Variants in POU6F2 observed in about 807,000 individuals in gnomAD.
The protein encoded by POU6F2 is POU domain, class 6, transcription factor 2.
In POU6F2, 31 loss-of-function variants were observed where a neutral mutation model predicts 71.3. The ratio of observed to expected loss-of-function variants is 0.43; its 90% confidence interval spans 0.33 to 0.59. The LOEUF (loss-of-function observed/expected upper bound fraction) is 0.59. Among genes scored for constraint, POU6F2 ranks in the 20% least tolerant of loss-of-function variants. The pLI is 0.04. For missense variants in POU6F2, 783 were observed against 856.8 expected (o/e 0.91, Z 1.07); for synonymous variants, 347 against 355.7 (o/e 0.98, Z 0.27).
intron 4 of POU6F2, among the ~76,000 whole-genome samples, chr7:39,237,575 G>A (rs902529229): frequency 6.6e-6 from 1 of 152,136 alleles, no homozygotes; most frequent in African/African-American, 2.4e-5. Context: ...AGACAGATAA[G>A]AGCTATGGAC....
intron 4 of POU6F2, among the ~76,000 whole-genome samples, chr7:39,288,792 T>C (rs1412536169): frequency 6.6e-6 from 1 of 152,138 alleles, no homozygotes; most frequent in Non-Finnish European, 1.5e-5. Flanking sequence ...CCGAAACTGA[T>C]AGTGACATAC....
At chr7:39,398,186 A>G (rs550729878) in intron 5 of POU6F2, among the ~76,000 whole-genome samples, 39 of 152,254 alleles carry the variant, frequency 2.6e-4, no homozygotes, top group African/African-American at 8.4e-4. Flanking sequence ...TTGAGGGCCT[A>G]CTGGATGCCT....
At chr7:39,182,104 C>T (rs781226552) in intron 2 of POU6F2, among the ~76,000 whole-genome samples, 1 of 152,184 alleles carries the variant, frequency 6.6e-6, no homozygotes, top group Non-Finnish European at 1.5e-5. Context: ...TCTTAAAGCA[C>T]ATAAGATGTT....
intron 5 of POU6F2, among the ~76,000 whole-genome samples, chr7:39,356,341 A>G (rs1786256698): frequency 1.3e-5 from 2 of 152,032 alleles, no homozygotes; most frequent in Middle Eastern, 3.4e-3. Flanking sequence ...TTGCTGGTCC[A>G]TGCCCCTTGC....
chr7:39,169,035 A>T (rs1469364121), intron 2 of POU6F2, among the ~76,000 whole-genome samples: 1 of 152,168 alleles, frequency 6.6e-6, no homozygotes, highest in Non-Finnish European at 1.5e-5. Flanking sequence ...ACATTATTTT[A>T]TGTTTAACAA....
chr7:39,362,443 A>T (rs1391396966), intron 5 of POU6F2, among the ~76,000 whole-genome samples: 1 of 152,172 alleles, frequency 6.6e-6, no homozygotes, highest in Non-Finnish European at 1.5e-5. Context: ...GGACTCATGG[A>T]ATACTAAGAT....
At chr7:39,157,337 A>G (rs1278033336) in intron 2 of POU6F2, among the ~76,000 whole-genome samples, 1 of 152,204 alleles carries the variant, frequency 6.6e-6, no homozygotes, top group Admixed American at 6.5e-5. Flanking sequence ...AAATGGTTAT[A>G]AAGTCCCTTG....
At chr7:39,323,356 GTTT>G (rs1050898295) in intron 4 of POU6F2, among the ~76,000 whole-genome samples, 3 of 152,174 alleles carry the variant, frequency 2.0e-5, no homozygotes, top group Non-Finnish European at 4.4e-5. Flanking sequence ...GTTGTGTTTT[GTTT>G]TGTCTTTAAG....
chr7:39,411,555 C>T (rs892789440), intron 6 of POU6F2, among the ~76,000 whole-genome samples: 2 of 152,066 alleles, frequency 1.3e-5, no homozygotes, highest in Non-Finnish European at 2.9e-5. Flanking sequence ...CAACTAAACA[C>T]TATTATTTCA....
At chr7:39,236,248 A>G (rs1794673776) in intron 4 of POU6F2, among the ~76,000 whole-genome samples, 2 of 152,028 alleles carry the variant, frequency 1.3e-5, no homozygotes, top group South Asian at 4.2e-4. Context: ...AGAAATATTA[A>G]TGGATGCATT....
intron 4 of POU6F2, among the ~76,000 whole-genome samples, chr7:39,339,082 T>TAA (rs1554344614): frequency 0.017 from 2,504 of 143,998 alleles, 26 homozygotes; most frequent in Non-Finnish European, 0.027. Flanking sequence ...TTTGAATTTT[T>TAA]AAAAAAAAAA....
At position 39,466,081 on chromosome 7, in the gene POU6F2, C is replaced by G. The variant is rs1423927197; in HGVS notation, c.*1395C>G. 1 of 152,178 alleles carries G rather than the reference C, an allele frequency of 6.6e-6. No homozygotes were observed. Among genetic ancestry groups the G allele is most frequent in the Non-Finnish European group, 1.5e-5 (1 of 68,044 alleles). 9.4% of individuals were successfully genotyped at this position (152,178 alleles called of 1,614,324 possible). A position where few individuals can be genotyped will look rare whatever the true frequency, so the allele number is the denominator to read the frequency against. Reference sequence around the variant, plus strand: ...CTTTCATTCCAATAGCGATGGCAGACTTTTTTCAGGGGGAATAATTACTCT... The same window carrying G: ...CTTTCATTCCAATAGCGATGGCAGAGTTTTTTCAGGGGGAATAATTACTCT... On this transcript the variant is annotated 3_prime_UTR_variant, in exon 10 of 10. Transcript: ENST00000518318.
intron 1 of POU6F2, chr7:39,001,956 G>C (rs1788927380): frequency 6.6e-6 from 1 of 152,198 alleles, no homozygotes; most frequent in Non-Finnish European, 1.5e-5. Context: ...GATGTGATTT[G>C]TTGGTGATGT....
intron 7 of POU6F2, among the ~76,000 whole-genome samples, chr7:39,433,522 G>A (rs964506470): frequency 1.3e-5 from 2 of 152,132 alleles, no homozygotes; most frequent in African/African-American, 4.8e-5. Flanking sequence ...CAAACAGAGA[G>A]AGTGCCCTAA....
intron 4 of POU6F2, among the ~76,000 whole-genome samples, chr7:39,321,529 T>C (rs1252396003): frequency 1.3e-5 from 2 of 152,138 alleles, no homozygotes; most frequent in Non-Finnish European, 2.9e-5. Flanking sequence ...GGCTTTCATG[T>C]GAAGGGAGAT....
intron 2 of POU6F2, among the ~76,000 whole-genome samples, chr7:39,098,966 C>T (rs1791514939): frequency 6.6e-6 from 1 of 152,176 alleles, no homozygotes; most frequent in Non-Finnish European, 1.5e-5. Flanking sequence ...CCCCAAGGGT[C>T]CTCCTGATCA....
chr7:39,258,701 T>TAAAA (rs5883681), intron 4 of POU6F2, among the ~76,000 whole-genome samples: 1 of 145,186 alleles, frequency 6.9e-6, no homozygotes, highest in Non-Finnish European at 1.5e-5. Context: ...TCTAGATGTT[T>TAAAA]AAAAAAAAAA....
At chr7:39,176,473 C>T (rs1793331915) in intron 2 of POU6F2, among the ~76,000 whole-genome samples, 1 of 152,308 alleles carries the variant, frequency 6.6e-6, no homozygotes, top group East Asian at 1.9e-4. Context: ...TCTGCTCTCA[C>T]ATTTCATCTG....
intron 2 of POU6F2, among the ~76,000 whole-genome samples, chr7:39,111,238 T>A (rs137861943): frequency 0.03 from 4,532 of 152,234 alleles, 94 homozygotes; most frequent in Middle Eastern, 0.078. Context: ...CACAAGGAGA[T>A]GAAGTTTTAC....
Sources: gnomAD v4.1 joint callset for allele counts (sites outside exome capture counted in the v4.1 genomes callset) on GRCh38, gnomAD v4.1.1 for gene constraint, MANE v1.5 for transcripts, NCBI Gene and HGNC (gene_info 2026-07-23, HGNC 2026-07-21) for gene names.